ASIC2: variants seen among roughly 807,000 people sequenced by gnomAD.
ASIC2 encodes acid sensing ion channel subunit 2, also known as acid-sensing ion channel 2.
Under a neutral mutation model 57.3 loss-of-function variants are expected in ASIC2, and 25 were observed. The observed-to-expected ratio is 0.44, with a 90% CI of 0.32 to 0.61. The LOEUF is 0.61. Among genes scored for constraint, ASIC2 ranks in the 20% least tolerant of loss-of-function variants. The probability of loss-of-function intolerance (pLI) is 0.06; values close to 1 mark genes in which losing one functional copy is unlikely to be tolerated. For synonymous variants in ASIC2, 319 were observed against 307.5 expected, an observed-to-expected ratio of 1.04 and a Z score of -0.39; for missense variants, 641 against 738.1, an observed-to-expected ratio of 0.87 and a Z score of 1.52.
chr17:33,948,792 A>G (rs984876132), intron 1 of ASIC2, among the ~76,000 whole-genome samples: 38 of 152,342 alleles, frequency 2.5e-4, no homozygotes, highest in African/African-American at 9.1e-4. Flanking sequence ...AAGAGAAGGG[A>G]GACAGTGGAC....
At chr17:33,767,025 C>T (rs2142117056) in intron 1 of ASIC2, among the ~76,000 whole-genome samples, 1 of 152,292 alleles carries the variant, frequency 6.6e-6, no homozygotes, top group Middle Eastern at 3.4e-3. Context: ...TGCTATTTGC[C>T]CTGGACCAGG....
Position 34,144,104 on chromosome 17 carries a change from CT to C in ASIC2, c.555+11873del, listed in dbSNP as rs776415543. Among the ~76,000 whole-genome samples, 4 of 152,260 alleles carry C rather than the reference CT, an allele frequency of 2.6e-5. 1 individual carries two copies. The highest frequency in any genetic ancestry group is 6.8e-3 in the Middle Eastern group (2 of 292). ...CAAGATAAGTGACTGTAGGCCAATT[CT>C]TCCACTTTTCTAAACCTCAGTTTTT... On this transcript the variant is annotated intron_variant, in intron 1 of 9. Coordinates refer to the ASIC2 transcript ENST00000359872.
intron 1 of ASIC2, among the ~76,000 whole-genome samples, chr17:33,388,786 A>C (rs1052664933): frequency 2.6e-5 from 4 of 152,206 alleles, no homozygotes; most frequent in African/African-American, 9.6e-5. Context: ...TTAATATAGC[A>C]AATGTTCACT....
chr17:33,605,845 C>T (rs1905219894), intron 1 of ASIC2, among the ~76,000 whole-genome samples: 1 of 152,164 alleles, frequency 6.6e-6, no homozygotes, highest in Non-Finnish European at 1.5e-5. Flanking sequence ...CATGCTCATC[C>T]CCCTGTCTTA....
intron 1 of ASIC2, among the ~76,000 whole-genome samples, chr17:33,282,137 T>TACAAAA: frequency 1.3e-5 from 2 of 152,370 alleles, no homozygotes; most frequent in South Asian, 4.1e-4. Context: ...GAAAGTGTTT[T>TACAAAA]GTACATCAGA....
intron 1 of ASIC2, among the ~76,000 whole-genome samples, chr17:33,544,087 T>C (rs1915506928): frequency 6.6e-6 from 1 of 152,240 alleles, no homozygotes; most frequent in Non-Finnish European, 1.5e-5. Flanking sequence ...TTTCTGTGAC[T>C]ATGCTTTTGG....
intron 3 of ASIC2, among the ~76,000 whole-genome samples, chr17:33,037,144 A>AAAG (rs1266997728): frequency 6.6e-6 from 1 of 151,874 alleles, no homozygotes; most frequent in East Asian, 1.9e-4. Context: ...AAAAAAAAAA[A>AAAG]AAAAGAATTG....
At position 33,503,127 on chromosome 17, in the gene ASIC2, G is replaced by A. The variant is rs1449280889; in HGVS notation, c.556-391060C>T. On this transcript the variant is annotated intron_variant, in intron 1 of 9. Coordinates refer to the ASIC2 transcript ENST00000359872. ...ATTGGAAACGTCAAGGAAGACAATG[G>A]GCGTGGAAGTGATTTATAAAGCATA... Among the ~76,000 whole-genome samples the A allele has an allele frequency of 2.6e-5, 4 of 152,122 alleles. No homozygotes were observed. The East Asian group carries it at 5.8e-4, about 22-fold the overall frequency.
At chr17:33,956,494 C>T (rs1904738968) in intron 1 of ASIC2, among the ~76,000 whole-genome samples, 2 of 152,194 alleles carry the variant, frequency 1.3e-5, no homozygotes, top group African/African-American at 4.8e-5. Context: ...TCCATCTCTG[C>T]TTTCCAAGCT....
At chr17:33,729,025 A>T (rs1220895178) in intron 1 of ASIC2, among the ~76,000 whole-genome samples, 1 of 152,184 alleles carries the variant, frequency 6.6e-6, no homozygotes, top group Non-Finnish European at 1.5e-5. Flanking sequence ...AATCCAGAGA[A>T]ATGGAAGAAA....
chr17:33,137,902 A>G (rs879622446), intron 1 of ASIC2, among the ~76,000 whole-genome samples: 3 of 152,200 alleles, frequency 2.0e-5, no homozygotes, highest in African/African-American at 4.8e-5. Context: ...TTTAGCCTAA[A>G]AGACAGGCTG....
At chr17:33,671,580 T>C (rs1907640544) in intron 1 of ASIC2, among the ~76,000 whole-genome samples, 1 of 152,122 alleles carries the variant, frequency 6.6e-6, no homozygotes, top group South Asian at 2.1e-4. Flanking sequence ...TAGGGCAACT[T>C]TTAGTCAGAC....
Position 33,642,761 on chromosome 17 carries a change from C to T in ASIC2, c.555+513217G>A, listed in dbSNP as rs116343648. On this transcript the variant is annotated intron_variant, in intron 1 of 9. Transcript: ENST00000359872. ...TTATATGGTGCTATCTGACCAGGAC[C>T]TTATTTTGGTATAATGTGAACCTGA... Among the ~76,000 whole-genome samples, 140 of 152,266 alleles carry T rather than the reference C, an allele frequency of 9.2e-4. 1 individual carries two copies. Among genetic ancestry groups the T allele is most frequent in the African/African-American group, 3.2e-3 (135 of 41,542 alleles).
rs192709997 is a variant in ASIC2 at position 33,535,527 on chromosome 17, C to T, written c.556-423460G>A. Among the ~76,000 whole-genome samples the T allele has an allele frequency of 5.4e-3, 819 of 152,078 alleles. 6 individuals are homozygous for T. The highest frequency in any genetic ancestry group is 0.019 in the African/African-American group (780 of 41,496). On this transcript the variant is annotated intron_variant, in intron 1 of 9. Coordinates refer to the ASIC2 transcript ENST00000359872. ...TCCTGCCCTCATGATCTGCCCGTCT[C>T]GGCCTCCCAGAGTGCTGGGATTACA...
chr17:33,816,300 A>G (rs1392713721), intron 1 of ASIC2, among the ~76,000 whole-genome samples: 2 of 152,132 alleles, frequency 1.3e-5, no homozygotes, highest in Admixed American at 6.6e-5. Flanking sequence ...GTGAAGATGA[A>G]TGGAGGGAAA....
chr17:33,683,179 T>G (rs1264859363), intron 1 of ASIC2, among the ~76,000 whole-genome samples: 1 of 152,132 alleles, frequency 6.6e-6, no homozygotes. Flanking sequence ...GCCATTCTCT[T>G]GCCTCAGCCT....
chr17:33,959,960 A>G (rs752586485), intron 1 of ASIC2, among the ~76,000 whole-genome samples: 5 of 152,300 alleles, frequency 3.3e-5, no homozygotes, highest in East Asian at 1.9e-4. Flanking sequence ...TTTGTGGCCC[A>G]CTGCTCTTCT....
chr17:33,641,899 A>G (rs1436662889), intron 1 of ASIC2, among the ~76,000 whole-genome samples: 1 of 152,228 alleles, frequency 6.6e-6, no homozygotes, highest in Non-Finnish European at 1.5e-5. Context: ...TCTATCACCC[A>G]GGGCTGTGGA....
chr17:33,713,431 A>G (rs1255880993), intron 1 of ASIC2, among the ~76,000 whole-genome samples: 3 of 152,166 alleles, frequency 2.0e-5, no homozygotes, highest in East Asian at 1.9e-4. Flanking sequence ...TAATCTGTGC[A>G]GCTGCACAAG....
Sources: allele counts gnomAD v4.1 joint callset (sites outside exome capture counted in the v4.1 genomes callset), GRCh38; gene constraint gnomAD v4.1.1; transcripts MANE v1.5; gene names NCBI Gene and HGNC (gene_info 2026-07-23, HGNC 2026-07-21).